Variants in ARL15 observed in about 807,000 individuals in gnomAD.
ARL15 encodes the protein ARF like GTPase 15.
In ARL15, 19 loss-of-function variants were observed where a neutral mutation model predicts 25.2. That is an observed-to-expected ratio of 0.75 (90% confidence interval 0.53 to 1.10). ARL15 has a LOEUF of 1.10. Among genes scored for constraint, ARL15 ranks in the 50% least tolerant of loss-of-function variants. ARL15 has a pLI of 0.00. For missense variants in ARL15, 220 were observed against 246.0 expected (o/e 0.89, Z 0.71); for synonymous variants, 94 against 86.8 (o/e 1.08, Z -0.46).
chr5:54,188,343 C>T (rs1015014671), intron 1 of ARL15, among the ~76,000 whole-genome samples: 1 of 152,006 alleles, frequency 6.6e-6, no homozygotes, highest in African/African-American at 2.4e-5. Context: ...GGACATTAGG[C>T]CTCATTTGCT....
At chr5:54,138,005 C>G (rs1313235177) in intron 3 of ARL15, among the ~76,000 whole-genome samples, 1 of 151,882 alleles carries the variant, frequency 6.6e-6, no homozygotes, top group African/African-American at 2.4e-5. Flanking sequence ...AAATACGCAG[C>G]CAAATCAAAT....
At chr5:54,121,403 A>G (rs1753071290) in intron 3 of ARL15, among the ~76,000 whole-genome samples, 1 of 152,090 alleles carries the variant, frequency 6.6e-6, no homozygotes, top group Admixed American at 6.6e-5. Flanking sequence ...GCCACCCAGC[A>G]TCATGTTCAG....
intron 4 of ARL15, among the ~76,000 whole-genome samples, chr5:53,899,577 T>A (rs2111932970): frequency 6.6e-6 from 1 of 152,182 alleles, no homozygotes; most frequent in East Asian, 1.9e-4. Context: ...CATTTAATTT[T>A]AATGGCATTT....
chr5:53,942,335 TA>T (rs763808290), intron 4 of ARL15, among the ~76,000 whole-genome samples: 2 of 152,136 alleles, frequency 1.3e-5, no homozygotes, highest in Non-Finnish European at 2.9e-5. Context: ...GCATCAGACA[TA>T]CCAGTGGCAC....
chr5:54,067,260 T>A (rs1214493028), intron 4 of ARL15: 2 of 152,670 alleles, frequency 1.3e-5, no homozygotes, highest in Non-Finnish European at 2.9e-5. Context: ...GAAGAGAGAT[T>A]TTTCTGACAA....
intron 4 of ARL15, among the ~76,000 whole-genome samples, chr5:53,924,496 C>A (rs1202607221): frequency 6.6e-6 from 1 of 152,160 alleles, no homozygotes; most frequent in Non-Finnish European, 1.5e-5. Flanking sequence ...ACTTACAAAT[C>A]ATCTATTTCA....
At chr5:54,017,994 ATTTTT>A (rs11359023) in intron 4 of ARL15, among the ~76,000 whole-genome samples, 1 of 151,462 alleles carries the variant, frequency 6.6e-6, no homozygotes, top group Non-Finnish European at 1.5e-5. Flanking sequence ...AGGGGTAAAC[ATTTTT>A]TTTTAAATGA....
At chr5:54,275,654 C>T (rs1404566376) in intron 1 of ARL15, among the ~76,000 whole-genome samples, 1 of 151,522 alleles carries the variant, frequency 6.6e-6, no homozygotes, top group East Asian at 1.9e-4. Flanking sequence ...TGACTACTGG[C>T]TTAAATTTAA....
At chr5:53,986,854 G>A (rs1160352869) in intron 4 of ARL15, among the ~76,000 whole-genome samples, 1 of 152,110 alleles carries the variant, frequency 6.6e-6, no homozygotes, top group Non-Finnish European at 1.5e-5. Flanking sequence ...CAGGATTTCG[G>A]GAGCAAACAG....
At chr5:53,900,742 C>T (rs1745039832) in intron 4 of ARL15, among the ~76,000 whole-genome samples, 1 of 151,908 alleles carries the variant, frequency 6.6e-6, no homozygotes, top group African/African-American at 2.4e-5. Flanking sequence ...ACCAGTCTTC[C>T]CAATTAATCA....
At chr5:54,015,019 G>A (rs1225645572) in intron 4 of ARL15, among the ~76,000 whole-genome samples, 6 of 151,930 alleles carry the variant, frequency 3.9e-5, no homozygotes, top group Admixed American at 6.6e-5. Context: ...CAGGCCAGGC[G>A]CGGTGGCTCA....
intron 1 of ARL15, among the ~76,000 whole-genome samples, chr5:54,198,815 C>G (rs1310866274): frequency 1.3e-5 from 2 of 151,414 alleles, no homozygotes; most frequent in Non-Finnish European, 3.0e-5. Flanking sequence ...TCATATGGAA[C>G]CAAAAAAGAG....
At chr5:54,115,077 T>C (rs1752858776) in intron 3 of ARL15, among the ~76,000 whole-genome samples, 1 of 152,152 alleles carries the variant, frequency 6.6e-6, no homozygotes, top group African/African-American at 2.4e-5. Flanking sequence ...TAGCTTGAAA[T>C]CAATCAGGGT....
chr5:53,893,824 G>A (rs962084013), intron 4 of ARL15, among the ~76,000 whole-genome samples: 2 of 152,172 alleles, frequency 1.3e-5, no homozygotes, highest in Non-Finnish European at 2.9e-5. Flanking sequence ...AAGTGGCAGG[G>A]CATCATTAAG....
At chr5:54,157,481 G>A (rs555746792) in intron 2 of ARL15, among the ~76,000 whole-genome samples, 2 of 151,958 alleles carry the variant, frequency 1.3e-5, no homozygotes, top group South Asian at 2.1e-4. Flanking sequence ...GCGTGGTCTC[G>A]GCTCACTGCA....
chr5:54,212,566 C>G (rs1756073899), intron 1 of ARL15, among the ~76,000 whole-genome samples: 2 of 152,178 alleles, frequency 1.3e-5, no homozygotes, highest in African/African-American at 4.8e-5. Context: ...CATTCATTGC[C>G]TGGGGCTAGA....
chr5:54,052,511 T>C (rs1421156498), intron 4 of ARL15, among the ~76,000 whole-genome samples: 4 of 152,086 alleles, frequency 2.6e-5, no homozygotes, highest in Non-Finnish European at 5.9e-5. Context: ...TTTGAAACCA[T>C]TATATATGTA....
At chr5:54,276,465 C>G (rs1026533531) in intron 1 of ARL15, among the ~76,000 whole-genome samples, 2 of 152,138 alleles carry the variant, frequency 1.3e-5, no homozygotes, top group Admixed American at 1.3e-4. Context: ...ACATTCTACA[C>G]CCAGCATTAG....
At chr5:53,970,157 T>G (rs958707469) in intron 4 of ARL15, among the ~76,000 whole-genome samples, 3 of 152,146 alleles carry the variant, frequency 2.0e-5, no homozygotes, top group Non-Finnish European at 4.4e-5. Context: ...GAAATTAATT[T>G]CCATTTTTTA....
Sources: gnomAD v4.1 joint callset for allele counts (sites outside exome capture counted in the v4.1 genomes callset) on GRCh38, gnomAD v4.1.1 for gene constraint, MANE v1.5 for transcripts, NCBI Gene and HGNC (gene_info 2026-07-23, HGNC 2026-07-21) for gene names.